GPR143: variants seen among roughly 807,000 people sequenced by gnomAD.
GPR143 encodes the protein G-protein coupled receptor 143.
A neutral mutation model predicts 27.6 loss-of-function variants in GPR143; 8 were observed. The ratio of observed to expected loss-of-function variants is 0.29; its 90% CI spans 0.17 to 0.52. GPR143 has a LOEUF of 0.52. GPR143 is among the 20% of genes least tolerant of loss of function. GPR143 has a pLI of 0.96. For missense variants in GPR143, 303 were observed against 343.1 expected (o/e 0.88, Z 0.92); for synonymous variants, 156 against 153.2 (o/e 1.02, Z -0.13).
At chrX:9,769,161 A>AAGGGAACTAGAAATT (rs2083545006), upstream of GPR143, among the ~76,000 whole-genome samples, 1 of 111,856 alleles carries the variant, frequency 8.9e-6, no homozygotes, top group Non-Finnish European at 1.9e-5. Flanking sequence ...GAGTACATGA[A>AAGGGAACTAGAAATT]GGTACATCTG....
Position 9,725,696 on chromosome X carries a change from G to A in GPR143, c.*50C>T. On this transcript the variant is annotated 3_prime_UTR_variant, in exon 9 of 9. Transcript: ENST00000467482. ...GTGAGAACACAGTTCTAAAGAACAA[G>A]AATTGTTGAGTCTGAGGAATATGGG... 1.1e-6 allele frequency: 1 copy of A among 946,666 alleles called. No individual in the cohort carries two copies. Among genetic ancestry groups the A allele is most frequent in the South Asian group, 2.0e-5 (1 of 49,877 alleles). 78.0% of individuals were successfully genotyped at this position (946,666 alleles called of 1,213,427 possible).
At chrX:9,743,388 G>A (rs976741929) in intron 6 of GPR143, among the ~76,000 whole-genome samples, 177 bp downstream of exon 6, 25 of 110,201 alleles carry the variant, frequency 2.3e-4, no homozygotes, top group African/African-American at 6.9e-4. Context: ...CATGAATTTT[G>A]GACTTGCTCC....
At chrX:9,736,082 T>G (rs1284998401) in intron 8 of GPR143, among the ~76,000 whole-genome samples, 1 of 109,995 alleles carries the variant, frequency 9.1e-6, no homozygotes, top group East Asian at 2.9e-4. Flanking sequence ...GGTAGGAAAA[T>G]CGGAATGACA....
intron 3 of GPR143, among the ~76,000 whole-genome samples, 183 bp from the exon 4 acceptor site, chrX:9,748,849 A>G (rs777469619): frequency 8.8e-6 from 1 of 113,049 alleles, no homozygotes; most frequent in Admixed American, 9.3e-5. Context: ...TGAAATTCAC[A>G]TCACATAAAA....
chrX:9,753,692 C>T (rs942525880), intron 3 of GPR143, among the ~76,000 whole-genome samples: 1 of 111,382 alleles, frequency 9.0e-6, no homozygotes, highest in Non-Finnish European at 1.9e-5. Context: ...GCGAGAGAGG[C>T]CTTATGCCTC....
chrX:9,746,058 T>C lies in GPR143; in HGVS notation c.644A>G (p.Lys215Arg). 2.5e-6 allele frequency: 3 copies of C among 1,184,167 alleles called. No homozygotes were observed. The highest frequency in any genetic ancestry group is 1.7e-5 in the African/African-American group (1 of 57,249). The change falls in exon 5 of 9, where the codon AAG becomes AGG. Residue 215 changes from lysine to arginine, a missense_variant. Transcript: ENST00000467482. ...VLVANPILFQ[K>R]TVTAVASLLK... ...CTAGTATTTACCTGCAGTCACTGTC[T>C]TTTGGAACAGGATGGGGTTCGCCAC...
At position 9,765,707 on chromosome X, in the gene GPR143, G is replaced by T. The variant is rs1375487242; in HGVS notation, c.111C>A (p.Gly37=). Residue 37 remains glycine, a synonymous_variant, in exon 1 of 9, where the codon GGC becomes GGA. Coordinates refer to ENST00000467482, the MANE Select transcript of GPR143 (RefSeq NM_000273.3). ...GAAGGCCCAGCGCCAAGCGGAGCCC[G>T]CCGCTGCCCAGGCAGAGCGCGTGGA... ...RAFHALCLGS[G]GLRLALGLLQ... 5 of 1,111,617 alleles carry T rather than the reference G, an allele frequency of 4.5e-6. No individual in the cohort carries two copies. In the South Asian group the frequency reaches 1.0e-4, roughly 23 times the overall value. 91.6% of individuals were successfully genotyped at this position (1,111,617 alleles called of 1,213,427 possible).
upstream of GPR143, among the ~76,000 whole-genome samples, chrX:9,770,419 A>T (rs1344972055): frequency 9.1e-6 from 1 of 109,688 alleles, no homozygotes. Context: ...TTTATTTACA[A>T]AACAGGCAAA....
chrX:9,742,122 T>C (rs1946089437), intron 6 of GPR143, among the ~76,000 whole-genome samples: 1 of 111,990 alleles, frequency 8.9e-6, no homozygotes, highest in South Asian at 3.7e-4. Flanking sequence ...AACAATTTTT[T>C]CTTGCCATTT....
At chrX:9,747,009 TAAA>T (rs56761188) in intron 4 of GPR143, among the ~76,000 whole-genome samples, 9 of 37,630 alleles carry the variant, frequency 2.4e-4, no homozygotes, top group African/African-American at 3.9e-4. Context: ...GCAGAAAATG[TAAA>T]AAAAAAAAAA....
chrX:9,774,852 A>T lies in GPR143; in HGVS notation c.-3+11390T>A, dbSNP rs751824392. Among the ~76,000 whole-genome samples the T allele has an allele frequency of 5.4e-5, 6 of 110,997 alleles. No individual in the cohort carries two copies. In the South Asian group the frequency reaches 2.3e-3, roughly 42 times the overall value. On this transcript the variant is annotated intron_variant, in intron 1 of 7. Coordinates refer to the GPR143 transcript ENST00000447366. ...AATATTCCACATAAGGATTTTTTTT[A>T]ATTGTTTTTTTGTTTGTTTGGTTTT... is the stretch of plus-strand genomic sequence containing the variant.
chrX:9,743,061 C>T (rs1359343423), intron 6 of GPR143, among the ~76,000 whole-genome samples: 1 of 109,625 alleles, frequency 9.1e-6, no homozygotes, highest in Admixed American at 9.8e-5. Flanking sequence ...GAGCTGAGAT[C>T]GTGCCATTGC....
intron 5 of GPR143, among the ~76,000 whole-genome samples, chrX:9,744,813 T>C (rs893445674): frequency 1.1e-4 from 12 of 112,716 alleles, no homozygotes; most frequent in African/African-American, 3.9e-4. Context: ...GAATGACCCA[T>C]GGTCCGTCCA....
chrX:9,759,245 G>A (rs2083485440), intron 3 of GPR143, 87 bp downstream of exon 3: 2 of 607,705 alleles, frequency 3.3e-6, no homozygotes, highest in East Asian at 7.2e-5. Context: ...CTGCAACACT[G>A]CAAAATACTT....
At position 9,760,704 on chromosome X, in the gene GPR143, G is replaced by T. The variant is rs11095520; in HGVS notation, c.360+13C>A. On this transcript the variant is annotated intron_variant, in intron 2 of 8. Coordinates refer to ENST00000467482, the MANE Select transcript of GPR143 (RefSeq NM_000273.3). ...AGTAGGGAGGAGAGGGCATGCAGAG[G>T]GGGTGGACTCACCGCACTCCCCACG... 1.3e-4 allele frequency: 125 copies of T among 975,844 alleles called. No individual in the cohort carries two copies. The highest frequency in any genetic ancestry group is 1.7e-4 in the Non-Finnish European group (120 of 687,792). 80.4% of individuals were successfully genotyped at this position (975,844 alleles called of 1,213,427 possible). A position where few individuals can be genotyped will look rare whatever the true frequency, so the allele number is the denominator to read the frequency against.
At chrX:9,741,027 T>C (rs944679662) in intron 7 of GPR143, 1 of 295,684 alleles carries the variant, frequency 3.4e-6, no homozygotes, top group African/African-American at 2.7e-5. Context: ...TCATCCTGTA[T>C]TTAAATATAA....
chrX:9,734,345 T>G (rs1320125829), intron 8 of GPR143, among the ~76,000 whole-genome samples: 1 of 110,622 alleles, frequency 9.0e-6, no homozygotes, highest in Non-Finnish European at 1.9e-5. Context: ...TACACGGAAT[T>G]GTGGGAGAGA....
chrX:9,777,236 G>A (rs1014743), intron 1 of GPR143, among the ~76,000 whole-genome samples: 2 of 111,219 alleles, frequency 1.8e-5, no homozygotes, highest in Admixed American at 1.9e-4. Context: ...TATTTGATTC[G>A]GCTTTACAAA....
At chrX:9,754,536 GC>G (rs2083465318) in intron 3 of GPR143, among the ~76,000 whole-genome samples, 1 of 111,856 alleles carries the variant, frequency 8.9e-6, no homozygotes, top group African/African-American at 3.3e-5. Context: ...CCACACCGGG[GC>G]AGAAGTCTGA....
Sources: allele counts gnomAD v4.1 joint callset (sites outside exome capture counted in the v4.1 genomes callset), GRCh38; gene constraint gnomAD v4.1.1; transcripts MANE v1.5; gene names NCBI Gene and HGNC (gene_info 2026-07-23, HGNC 2026-07-21).